The following KCNJ15 variants were observed in gnomAD, a reference collection of about 807,000 sequenced individuals.
The protein encoded by KCNJ15 is ATP-sensitive inward rectifier potassium channel 15.
Under a neutral mutation model 23.0 loss-of-function variants are expected in KCNJ15, and 14 were observed. The ratio of observed to expected loss-of-function variants is 0.61; its 90% CI spans 0.40 to 0.95. The LOEUF is 0.95. Ranked by LOEUF, KCNJ15 falls within the 40% of genes least tolerant of loss-of-function variation. The pLI, the probability that KCNJ15 is intolerant of heterozygous loss-of-function variation, is 0.00. For missense variants in KCNJ15, 388 were observed against 461.8 expected, an observed-to-expected ratio of 0.84 and a Z score of 1.46; for synonymous variants, 185 against 183.2, an observed-to-expected ratio of 1.01 and a Z score of -0.08.
chr21:38,237,908 C>G (rs779311320), intron 1 of KCNJ15, among the ~76,000 whole-genome samples: 32 of 152,020 alleles, frequency 2.1e-4, no homozygotes, highest in Admixed American at 1.2e-3. Context: ...AATGGTATGT[C>G]CTTCTGTTAA....
At chr21:38,247,333 G>C (rs1371738984) in intron 1 of KCNJ15, among the ~76,000 whole-genome samples, 3 of 148,632 alleles carry the variant, frequency 2.0e-5, no homozygotes, top group African/African-American at 7.3e-5. Context: ...TAAATGGATG[G>C]ATGGATAGAT....
chr21:38,291,098 A>T (rs1054999441), intron 1 of KCNJ15, among the ~76,000 whole-genome samples: 1 of 152,084 alleles, frequency 6.6e-6, no homozygotes, highest in East Asian at 1.9e-4. Flanking sequence ...CAAATGTGCA[A>T]TGTGGCTCTC....
chr21:38,297,183 G>C (rs1310683607), intron 2 of KCNJ15, among the ~76,000 whole-genome samples, 160 bp downstream of exon 2: 1 of 152,016 alleles, frequency 6.6e-6, no homozygotes, highest in Non-Finnish European at 1.5e-5. Flanking sequence ...TGTGATTTCT[G>C]TCCACCAAGA....
intron 1 of KCNJ15, among the ~76,000 whole-genome samples, chr21:38,271,963 C>T (rs1336335626): frequency 6.6e-6 from 1 of 152,186 alleles, no homozygotes; most frequent in Non-Finnish European, 1.5e-5. Flanking sequence ...AACCTGCGAT[C>T]CGGTGCCACA....
chr21:38,238,627 A>C (rs967724344), intron 1 of KCNJ15: 10 of 593,192 alleles, frequency 1.7e-5, no homozygotes, highest in Non-Finnish European at 2.2e-5. Context: ...GTGCAACCAG[A>C]GCGGGTTGTG....
At chr21:38,292,245 C>T (rs1411251576) in intron 1 of KCNJ15, among the ~76,000 whole-genome samples, 1 of 152,136 alleles carries the variant, frequency 6.6e-6, no homozygotes, top group Non-Finnish European at 1.5e-5. Flanking sequence ...AATAATTTCT[C>T]CCCAAGGTAA....
At chr21:38,230,282 T>C (rs1214093016) in intron 1 of KCNJ15, among the ~76,000 whole-genome samples, 2 of 152,204 alleles carry the variant, frequency 1.3e-5, no homozygotes, top group Non-Finnish European at 2.9e-5. Flanking sequence ...TGGCTAAAGA[T>C]GTTGAACATC....
At chr21:38,268,055 C>T (rs907086109) in intron 1 of KCNJ15, among the ~76,000 whole-genome samples, 1 of 152,144 alleles carries the variant, frequency 6.6e-6, no homozygotes, top group African/African-American at 2.4e-5. Flanking sequence ...TTCTGAGAAG[C>T]TCTGAGTAAC....
In KCNJ15 at chr21:38,300,567, G is replaced by A. The variant is rs1985692090; in HGVS notation, c.*178G>A. The A allele has an allele frequency of 1.7e-6, 1 of 580,746 alleles. No homozygotes were observed. The highest frequency in any genetic ancestry group is 2.5e-5 in the South Asian group (1 of 39,970). 36.0% of individuals were successfully genotyped at this position (580,746 alleles called of 1,614,324 possible). A position where few individuals can be genotyped will look rare whatever the true frequency, so the allele number is the denominator to read the frequency against. On this transcript the variant is annotated 3_prime_UTR_variant, in exon 3 of 3. Coordinates refer to ENST00000398938, the MANE Select transcript of KCNJ15 (RefSeq NM_170736.3). ...GCTAAACCAGCATTTCTGTGTTTGA[G>A]AGATTTCCTGTTAGGTGCTTCGTCT...
chr21:38,296,516 T>A (rs1217631155), intron 1 of KCNJ15: 1 of 152,294 alleles, frequency 6.6e-6, no homozygotes, highest in Non-Finnish European at 1.5e-5. Context: ...CACTCTAATG[T>A]CCTATGACTC....
chr21:38,296,208 A>G lies in KCNJ15; in HGVS notation c.-116-718A>G, dbSNP rs1282218510. Among the ~76,000 whole-genome samples, 4 of 152,230 alleles carry G rather than the reference A, an allele frequency of 2.6e-5. No homozygotes were observed. The East Asian group carries it at 7.7e-4, about 29-fold the overall frequency. On this transcript the variant is annotated intron_variant, in intron 1 of 2. Coordinates refer to ENST00000398938, the MANE Select transcript of KCNJ15 (RefSeq NM_170736.3). Reference sequence around the variant, plus strand: ...CCGGTAATAAATAGATAGATAATTGATAGATAATAGATTGATTGGTGATAT... The same window carrying G: ...CCGGTAATAAATAGATAGATAATTGGTAGATAATAGATTGATTGGTGATAT...
chr21:38,245,056 A>G (rs571561643), intron 1 of KCNJ15, among the ~76,000 whole-genome samples: 2 of 152,172 alleles, frequency 1.3e-5, no homozygotes, highest in Admixed American at 1.3e-4. Flanking sequence ...AGGAAATGGC[A>G]CAGACACCTC....
At position 38,237,878 on chromosome 21, in the gene KCNJ15, G is replaced by A. The variant is rs184509559; in HGVS notation, c.-398-19168G>A. On this transcript the variant is annotated intron_variant, in intron 1 of 4. Coordinates refer to the KCNJ15 transcript ENST00000547341. ...TGAGTGTGTTCAGCTATAAATATGG[G>A]CATCCTAAAGATCCATCGCAATGGT... 6.6e-5 allele frequency among the ~76,000 whole-genome samples: 10 copies of A among 152,258 alleles called. No individual in the cohort carries two copies. The East Asian group carries it at 1.9e-3, about 29-fold the overall frequency.
intron 1 of KCNJ15, among the ~76,000 whole-genome samples, chr21:38,276,264 C>T (rs1203780450): frequency 6.6e-6 from 1 of 151,928 alleles, no homozygotes; most frequent in Non-Finnish European, 1.5e-5. Context: ...AAAATGTTTG[C>T]TGAATAAATG....
chr21:38,286,661 T>C (rs895416304), intron 1 of KCNJ15, among the ~76,000 whole-genome samples: 3 of 152,232 alleles, frequency 2.0e-5, no homozygotes, highest in Non-Finnish European at 4.4e-5. Context: ...GGTCTGATTC[T>C]GTGATATTAC....
chr21:38,245,206 A>G (rs1226858588), intron 1 of KCNJ15, among the ~76,000 whole-genome samples: 2 of 152,020 alleles, frequency 1.3e-5, no homozygotes, highest in South Asian at 2.1e-4. Flanking sequence ...TCCTGGTTCT[A>G]TTCCCAAAGT....
At chr21:38,260,228 G>T (rs1375764809) in intron 1 of KCNJ15, among the ~76,000 whole-genome samples, 1 of 152,182 alleles carries the variant, frequency 6.6e-6, no homozygotes. Flanking sequence ...GGCCAGGCGA[G>T]AAAGTTGAAC....
chr21:38,281,135 C>T (rs902126784), intron 1 of KCNJ15, among the ~76,000 whole-genome samples: 1 of 152,058 alleles, frequency 6.6e-6, no homozygotes, highest in Non-Finnish European at 1.5e-5. Context: ...TCAGGGAATT[C>T]GTATGCAAGT....
intron 1 of KCNJ15, among the ~76,000 whole-genome samples, chr21:38,268,028 A>G (rs1247512415): frequency 2.6e-5 from 4 of 152,188 alleles, no homozygotes; most frequent in African/African-American, 9.7e-5. Context: ...GGTTTTTATG[A>G]GCAACCCGCT....
Sources: allele counts gnomAD v4.1 joint callset (sites outside exome capture counted in the v4.1 genomes callset), GRCh38; gene constraint gnomAD v4.1.1; transcripts MANE v1.5; gene names NCBI Gene and HGNC (gene_info 2026-07-23, HGNC 2026-07-21).